IPCEF1: variants seen among roughly 807,000 people sequenced by gnomAD.
IPCEF1 encodes interaction protein for cytohesin exchange factors 1, also known as interactor protein for cytohesin exchange factors 1.
IPCEF1 carries 31 observed loss-of-function variants against 50.9 expected under a neutral mutation model. That is an observed-to-expected ratio of 0.61 (90% CI 0.46 to 0.82). The LOEUF (loss-of-function observed/expected upper bound fraction) is 0.82. Among genes scored for constraint, IPCEF1 ranks in the 40% least tolerant of loss-of-function variants. The pLI, the probability that IPCEF1 is intolerant of heterozygous loss-of-function variation, is 0.00. For synonymous variants in IPCEF1, 181 were observed against 192.0 expected, an observed-to-expected ratio of 0.94 and a Z score of 0.47; for missense variants, 458 against 514.0, an observed-to-expected ratio of 0.89 and a Z score of 1.05.
At chr6:154,317,256 A>G (rs1297810500) in intron 1 of IPCEF1, among the ~76,000 whole-genome samples, 1 of 152,140 alleles carries the variant, frequency 6.6e-6, no homozygotes, top group African/African-American at 2.4e-5. Flanking sequence ...ACCAATTAAA[A>G]ATGAGCAAAT....
intron 1 of IPCEF1, among the ~76,000 whole-genome samples, chr6:154,341,861 A>C (rs1783925205): frequency 6.6e-6 from 1 of 152,184 alleles, no homozygotes; most frequent in South Asian, 2.1e-4. Context: ...GCCTTCACCT[A>C]AAAAGAAGAG....
chr6:154,257,480 T>A (rs2128649319), intron 3 of IPCEF1, among the ~76,000 whole-genome samples: 1 of 152,304 alleles, frequency 6.6e-6, no homozygotes, highest in Non-Finnish European at 1.5e-5. Flanking sequence ...CTAACTATCA[T>A]TTTTGGCTTT....
chr6:154,275,443 G>T (rs1980380), intron 2 of IPCEF1, among the ~76,000 whole-genome samples: 1 of 152,174 alleles, frequency 6.6e-6, no homozygotes, highest in Admixed American at 6.5e-5. Flanking sequence ...AATAACATCC[G>T]CAATTCCTAG....
chr6:154,246,781 G>A (rs924079325), intron 4 of IPCEF1, 21 bp from the exon 5 acceptor site: 1 of 1,612,080 alleles, frequency 6.2e-7, no homozygotes, highest in Middle Eastern at 1.7e-4. Flanking sequence ...TACATGAAGA[G>A]GTAGATAATG....
chr6:154,311,918 C>T (rs560459150), intron 1 of IPCEF1, among the ~76,000 whole-genome samples: 12 of 152,220 alleles, frequency 7.9e-5, no homozygotes, highest in East Asian at 3.9e-4. Context: ...AATACAACTA[C>T]GATATGGGCC....
chr6:154,184,128 C>T (rs894548657), intron 10 of IPCEF1, among the ~76,000 whole-genome samples: 3 of 151,560 alleles, frequency 2.0e-5, no homozygotes, highest in Non-Finnish European at 2.9e-5. Flanking sequence ...TGTATCTCAA[C>T]ATTTGAAGAA....
intron 2 of IPCEF1, among the ~76,000 whole-genome samples, chr6:154,278,289 A>C (rs1782116166): frequency 6.6e-6 from 1 of 152,238 alleles, no homozygotes; most frequent in Non-Finnish European, 1.5e-5. Context: ...CTCTAGCAGA[A>C]GCCAGACTGA....
In IPCEF1 at chr6:154,222,447, A is replaced by C. The variant is rs564891960; in HGVS notation, c.320+723T>G. ...GAAGGCCCCTTTCTGATAAGACTGG[A>C]AAAGATGTCAAAGGTAGAAGAAATA... On this transcript the variant is annotated intron_variant, in intron 6 of 11. Coordinates refer to ENST00000367220, the MANE Select transcript of IPCEF1 (RefSeq NM_001130700.2). 1.1e-3 allele frequency among the ~76,000 whole-genome samples: 164 copies of C among 152,374 alleles called. 1 individual carries two copies. The highest frequency in any genetic ancestry group is 3.8e-3 in the African/African-American group (158 of 41,590).
At chr6:154,327,531 G>C (rs1215995923) in intron 1 of IPCEF1, among the ~76,000 whole-genome samples, 1 of 152,066 alleles carries the variant, frequency 6.6e-6, no homozygotes, top group Non-Finnish European at 1.5e-5. Flanking sequence ...ACCATCTCAC[G>C]CCAGTCAGAA....
chr6:154,280,628 C>G (rs947032366), intron 2 of IPCEF1, among the ~76,000 whole-genome samples: 1 of 152,088 alleles, frequency 6.6e-6, no homozygotes, highest in Non-Finnish European at 1.5e-5. Flanking sequence ...AAAGCTAGAT[C>G]ATAGTGTTTA....
At chr6:154,206,710 A>G (rs1777525983) in intron 9 of IPCEF1, among the ~76,000 whole-genome samples, 1 of 152,234 alleles carries the variant, frequency 6.6e-6, no homozygotes, top group Non-Finnish European at 1.5e-5. Context: ...GAAGGAATCT[A>G]CATCTGAAGC....
intron 9 of IPCEF1, among the ~76,000 whole-genome samples, chr6:154,206,372 T>A (rs1390330501): frequency 6.6e-6 from 1 of 152,210 alleles, no homozygotes; most frequent in Non-Finnish European, 1.5e-5. Context: ...TGGGGAAATA[T>A]TTGTGGAACA....
At chr6:154,233,655 G>A (rs890831383) in intron 5 of IPCEF1, among the ~76,000 whole-genome samples, 11 of 152,174 alleles carry the variant, frequency 7.2e-5, no homozygotes, top group African/African-American at 2.4e-4. Flanking sequence ...ATGGTTCTGA[G>A]GATACTGAGG....
intron 1 of IPCEF1, among the ~76,000 whole-genome samples, chr6:154,305,650 T>C (rs925318566): frequency 2.0e-5 from 3 of 152,182 alleles, no homozygotes; most frequent in African/African-American, 7.2e-5. Flanking sequence ...GGTGTGACTG[T>C]CAGGGAGATC....
At chr6:154,196,357 G>A (rs1003059948) in intron 10 of IPCEF1, among the ~76,000 whole-genome samples, 2 of 152,080 alleles carry the variant, frequency 1.3e-5, no homozygotes, top group African/African-American at 2.4e-5. Context: ...GCTCATTCAT[G>A]TCACTTTCCT....
At chr6:154,295,252 A>G (rs1583958205) in intron 1 of IPCEF1, among the ~76,000 whole-genome samples, 1 of 152,250 alleles carries the variant, frequency 6.6e-6, no homozygotes, top group Admixed American at 6.5e-5. Flanking sequence ...TTTAATTTGT[A>G]CAGTCATGTG....
At position 154,280,947 on chromosome 6, in the gene IPCEF1, C is replaced by T. The variant is rs539395962; in HGVS notation, c.-18+8766G>A. Among the ~76,000 whole-genome samples the T allele has an allele frequency of 4.3e-4, 66 of 152,210 alleles. 3 individuals are homozygous for T. In the South Asian group the frequency reaches 7.9e-3, roughly 18 times the overall value. On this transcript the variant is annotated intron_variant, in intron 2 of 11. Transcript: ENST00000367220. ...AGATGCTATGGCTTATACCTGTAAT[C>T]CCAACACTTTGGGAGGCCAGAGCGG...
At chr6:154,301,909 A>G (rs1209419777) in intron 1 of IPCEF1, among the ~76,000 whole-genome samples, 3 of 152,240 alleles carry the variant, frequency 2.0e-5, no homozygotes. Flanking sequence ...GAAGGCTTGA[A>G]GGCATTTGGA....
intron 10 of IPCEF1, among the ~76,000 whole-genome samples, chr6:154,187,154 C>T (rs2128576143): frequency 6.6e-6 from 1 of 152,214 alleles, no homozygotes; most frequent in African/African-American, 2.4e-5. Flanking sequence ...ATTTGGCTCA[C>T]CCTCTCCCCT....
Sources: gnomAD v4.1 joint callset for allele counts (sites outside exome capture counted in the v4.1 genomes callset) on GRCh38, gnomAD v4.1.1 for gene constraint, MANE v1.5 for transcripts, NCBI Gene and HGNC (gene_info 2026-07-23, HGNC 2026-07-21) for gene names.